Variants in INTS6L observed in about 807,000 individuals in gnomAD.
INTS6L encodes integrator complex subunit 6-like.
A neutral mutation model predicts 64.7 loss-of-function variants in INTS6L; 18 were observed. The observed-to-expected ratio is 0.28, with a 90% CI of 0.19 to 0.41. INTS6L has a LOEUF of 0.41. Ranked by LOEUF, INTS6L falls within the 10% of genes least tolerant of loss-of-function variation. INTS6L has a pLI of 1.00. For synonymous variants in INTS6L, 227 were observed against 235.9 expected (o/e 0.96, Z 0.34); for missense variants, 533 against 661.0 (o/e 0.81, Z 2.12).
chrX:135,551,359 C>T (rs2086498585), intron 7 of INTS6L, among the ~76,000 whole-genome samples: 1 of 112,098 alleles, frequency 8.9e-6, no homozygotes, highest in African/African-American at 3.2e-5. Flanking sequence ...ACCCCAGGTA[C>T]ACAGGCCTTC....
intron 2 of INTS6L, among the ~76,000 whole-genome samples, chrX:135,521,717 C>T (rs1173255790): frequency 1.0e-5 from 1 of 98,919 alleles, no homozygotes; most frequent in East Asian, 3.3e-4. Flanking sequence ...GGCTGCGAGG[C>T]GGGCCCGCCC....
chrX:135,546,403 A>G lies in INTS6L; in HGVS notation c.363A>G (p.Glu121=), dbSNP rs2148613971. 8.6e-7 allele frequency: 1 copy of G among 1,164,764 alleles called. No homozygotes were observed. The part of the protein sequence containing the change: ...YGQGRNPFFL[E]PSILITITDG... ...AGGGGAGAAATCCATTTTTTTTAGA[A>G]CCATCTATTTTAATTACCATCACAG... The change falls in exon 4 of 18, where the codon GAA becomes GAG. Residue 121 remains glutamate, a synonymous_variant. Coordinates refer to ENST00000639893, the MANE Select transcript of INTS6L (RefSeq NM_001351601.3).
intron 7 of INTS6L, 115 bp downstream of exon 7, chrX:135,549,920 C>A: frequency 1.2e-6 from 1 of 830,365 alleles, no homozygotes; most frequent in Non-Finnish European, 1.7e-6. Flanking sequence ...GCAAGTAAGT[C>A]TTCCCTCCTT....
intron 6 of INTS6L, 27 bp from the exon 7 acceptor site, chrX:135,549,615 T>C (rs1307186877): frequency 2.5e-6 from 3 of 1,188,625 alleles, no homozygotes; most frequent in Non-Finnish European, 3.4e-6. Context: ...AACTCACGCC[T>C]TAGTTTGTCT....
chrX:135,560,935 T>G (rs1350628113), intron 9 of INTS6L, among the ~76,000 whole-genome samples: 3 of 91,820 alleles, frequency 3.3e-5, no homozygotes, highest in African/African-American at 1.1e-4. Flanking sequence ...CAAATGCTCT[T>G]TCTTTTTTTT....
intron 2 of INTS6L, among the ~76,000 whole-genome samples, chrX:135,524,405 T>G (rs1285352891): frequency 1.8e-5 from 2 of 111,447 alleles, no homozygotes; most frequent in Non-Finnish European, 3.8e-5. Flanking sequence ...AAAGTGATGT[T>G]GGCTAGGATT....
At chrX:135,539,797 A>C (rs1461613332) in intron 2 of INTS6L, among the ~76,000 whole-genome samples, 2 of 111,538 alleles carry the variant, frequency 1.8e-5, no homozygotes, top group Non-Finnish European at 1.9e-5. Flanking sequence ...GGGAGGCCTG[A>C]GGAGAGGGAG....
intron 2 of INTS6L, among the ~76,000 whole-genome samples, chrX:135,538,105 C>T (rs954295183): frequency 8.9e-6 from 1 of 112,002 alleles, no homozygotes; most frequent in Admixed American, 9.4e-5. Context: ...TGAACTTTAC[C>T]GCATCGGTGA....
At chrX:135,548,178 A>G (rs985679283) in intron 6 of INTS6L, among the ~76,000 whole-genome samples, 2 of 110,974 alleles carry the variant, frequency 1.8e-5, no homozygotes, top group Admixed American at 9.6e-5. Context: ...AGAAAGCTAC[A>G]CATTTCTGTC....
chrX:135,546,990 T>A, intron 5 of INTS6L, 105 bp downstream of exon 5: 1 of 1,107,225 alleles, frequency 9.0e-7, no homozygotes, highest in Non-Finnish European at 1.2e-6. Context: ...CAAAGCCTTT[T>A]AACTCTGTTG....
intron 2 of INTS6L, among the ~76,000 whole-genome samples, chrX:135,526,443 C>T (rs961810777): frequency 1.8e-5 from 2 of 111,700 alleles, no homozygotes; most frequent in Admixed American, 1.9e-4. Context: ...AAATTAGGTC[C>T]TCCTCTCCAA....
At chrX:135,543,206 G>T (rs1168366259) in intron 2 of INTS6L, among the ~76,000 whole-genome samples, 2 of 111,144 alleles carry the variant, frequency 1.8e-5, no homozygotes, top group Non-Finnish European at 3.8e-5. Flanking sequence ...ACCACTCCCC[G>T]GATTTAAAAC....
intron 2 of INTS6L, among the ~76,000 whole-genome samples, chrX:135,544,184 C>T (rs1463516164): frequency 9.0e-6 from 1 of 111,662 alleles, no homozygotes; most frequent in South Asian, 3.8e-4. Flanking sequence ...TACAGTGTCC[C>T]TGCTTATCAG....
intron 9 of INTS6L, among the ~76,000 whole-genome samples, chrX:135,557,088 G>A (rs1213783825): frequency 9.0e-6 from 1 of 111,658 alleles, no homozygotes; most frequent in Non-Finnish European, 1.9e-5. Flanking sequence ...TTAAGAATGA[G>A]TCATCGTAAA....
chrX:135,547,734 A>G (rs572485696), intron 6 of INTS6L, among the ~76,000 whole-genome samples: 2 of 111,953 alleles, frequency 1.8e-5, no homozygotes, highest in Admixed American at 1.9e-4. Context: ...CTACACTAGT[A>G]TTTTCCCGGT....
At chrX:135,549,353 A>G (rs1366536444) in intron 6 of INTS6L, among the ~76,000 whole-genome samples, 2 of 112,451 alleles carry the variant, frequency 1.8e-5, no homozygotes, top group Non-Finnish European at 3.8e-5. Flanking sequence ...AGTCTCAGAA[A>G]ATTTAAAACT....
intron 2 of INTS6L, among the ~76,000 whole-genome samples, chrX:135,541,903 T>C (rs1369337247): frequency 5.3e-5 from 6 of 112,546 alleles, no homozygotes; most frequent in African/African-American, 1.9e-4. Flanking sequence ...TCACTATCTC[T>C]TTATAATTAT....
chrX:135,533,378 AT>A (rs2085960227), intron 2 of INTS6L, among the ~76,000 whole-genome samples: 1 of 112,083 alleles, frequency 8.9e-6, no homozygotes, highest in African/African-American at 3.2e-5. Flanking sequence ...GCTCATAACA[AT>A]TTTTTTGAAA....
In INTS6L at chrX:135,542,519, AAAAG is replaced by A. The variant is rs782057674; in HGVS notation, c.190-2902_190-2899del. ...TCTCAAAAAAAAGGAAAGAAAAAGA[AAAAG>A]AGAGAGAGAGAAGGAGAGAAGGGAG... is the stretch of plus-strand genomic sequence containing the variant. On this transcript the variant is annotated intron_variant, in intron 2 of 17. Coordinates refer to ENST00000639893, the MANE Select transcript of INTS6L (RefSeq NM_001351601.3). Among the ~76,000 whole-genome samples, 527 of 109,143 alleles carry A rather than the reference AAAAG, an allele frequency of 4.8e-3. 2 individuals are homozygous for A. Among genetic ancestry groups the A allele is most frequent in the Non-Finnish European group, 7.6e-3 (401 of 52,480 alleles). 94.8% of individuals were successfully genotyped at this position (109,143 alleles called of 115,157 possible).
Sources: allele counts gnomAD v4.1 joint callset (sites outside exome capture counted in the v4.1 genomes callset), GRCh38; gene constraint gnomAD v4.1.1; transcripts MANE v1.5; gene names NCBI Gene and HGNC (gene_info 2026-07-23, HGNC 2026-07-21).